PRKCE: variants seen among roughly 807,000 people sequenced by gnomAD.
PRKCE encodes protein kinase C epsilon.
PRKCE carries 16 observed loss-of-function variants against 85.4 expected under a neutral mutation model. The observed-to-expected ratio is 0.19, with a 90% CI of 0.13 to 0.28. PRKCE has a LOEUF of 0.28. Ranked by LOEUF, PRKCE falls within the 10% of genes least tolerant of loss-of-function variation. The pLI, the probability that PRKCE is intolerant of heterozygous loss-of-function variation, is 1.00. For missense variants in PRKCE, 573 were observed against 975.2 expected, an observed-to-expected ratio of 0.59 and a Z score of 5.49; for synonymous variants, 388 against 371.5, an observed-to-expected ratio of 1.04 and a Z score of -0.51.
At chr2:45,736,260 C>G (rs555266183) in intron 1 of PRKCE, among the ~76,000 whole-genome samples, 10 of 152,114 alleles carry the variant, frequency 6.6e-5, no homozygotes, top group African/African-American at 1.9e-4. Flanking sequence ...TGTGCCTGAC[C>G]GACATACACA....
intron 2 of PRKCE, among the ~76,000 whole-genome samples, chr2:45,969,847 C>G (rs527639759): frequency 6.6e-6 from 1 of 152,262 alleles, no homozygotes; most frequent in Admixed American, 6.5e-5. Context: ...ATTGTTCATT[C>G]TTTTTTCACA....
chr2:45,653,024 T>G (rs1675201135), intron 1 of PRKCE, among the ~76,000 whole-genome samples: 2 of 152,216 alleles, frequency 1.3e-5, no homozygotes, highest in South Asian at 2.1e-4. Context: ...TCCTCTATGG[T>G]CCCAGAAACA....
intron 14 of PRKCE, among the ~76,000 whole-genome samples, chr2:46,183,819 A>G (rs1271128673): frequency 6.6e-6 from 1 of 152,172 alleles, no homozygotes; most frequent in Admixed American, 6.5e-5. Context: ...AACTAAAGCG[A>G]TGTGTTCTAC....
In PRKCE at chr2:45,980,371, C is replaced by T. The variant is rs777002359; in HGVS notation, c.683C>T (p.Thr228Ile). The T allele has an allele frequency of 1.3e-6, 2 of 1,599,694 alleles. No individual in the cohort carries two copies. The highest frequency in any genetic ancestry group is 1.7e-6 in the Non-Finnish European group (2 of 1,179,934). The change falls in exon 5 of 15, where the codon ACC (threonine) becomes ATC (isoleucine). Residue 228 changes from threonine to isoleucine, a missense_variant. Thr to Ile is a moderately conservative substitution (Grantham distance 89, BLOSUM62 -1). Coordinates refer to ENST00000306156, the MANE Select transcript of PRKCE (RefSeq NM_005400.3). ...TGTGCTGGGTTAAAGAAGCAGGAGA[C>T]CCCCGACCAGGTAAGTGTTGGTGAC... is the stretch of plus-strand genomic sequence containing the variant. Reference protein sequence around the residue: ...TKCAGLKKQETPDQVGSQRFS... With the variant: ...TKCAGLKKQEIPDQVGSQRFS...
chr2:45,835,572 T>C (rs1328455122), intron 1 of PRKCE, among the ~76,000 whole-genome samples: 1 of 151,458 alleles, frequency 6.6e-6, no homozygotes, highest in Non-Finnish European at 1.5e-5. Context: ...GCATCCATGT[T>C]GTTGCATGTA....
chr2:45,963,500 G>T (rs1164412725), intron 2 of PRKCE, among the ~76,000 whole-genome samples: 1 of 152,114 alleles, frequency 6.6e-6, no homozygotes, highest in Non-Finnish European at 1.5e-5. Flanking sequence ...CTAGAGACAG[G>T]GTTTCGCCAT....
chr2:46,110,624 CTT>C (rs1221232448), intron 11 of PRKCE, among the ~76,000 whole-genome samples: 1 of 146,008 alleles, frequency 6.8e-6, no homozygotes, highest in East Asian at 2.0e-4. Flanking sequence ...TATTCTTAGT[CTT>C]TTTTTTTTTA....
chr2:46,111,667 C>G (rs570888224), intron 11 of PRKCE, among the ~76,000 whole-genome samples: 1 of 152,292 alleles, frequency 6.6e-6, no homozygotes, highest in South Asian at 2.1e-4. Context: ...TGTATTAGAA[C>G]TTCTTTTATC....
intron 1 of PRKCE, among the ~76,000 whole-genome samples, chr2:45,823,341 G>C (rs752243390): frequency 2.0e-5 from 3 of 152,208 alleles, no homozygotes; most frequent in Non-Finnish European, 4.4e-5. Flanking sequence ...AAAGGAACTG[G>C]AATTGGTTGG....
chr2:45,819,412 C>T (rs991779658), intron 1 of PRKCE, among the ~76,000 whole-genome samples: 7 of 152,174 alleles, frequency 4.6e-5, no homozygotes, highest in Non-Finnish European at 8.8e-5. Flanking sequence ...TCAGGGAGAA[C>T]ACCACGTTTA....
At chr2:45,738,568 T>G (rs1279434169) in intron 1 of PRKCE, among the ~76,000 whole-genome samples, 2 of 152,238 alleles carry the variant, frequency 1.3e-5, no homozygotes, top group Non-Finnish European at 2.9e-5. Context: ...GGAGATTATA[T>G]CTTGTCATTC....
chr2:45,906,591 G>A (rs1202897256), intron 2 of PRKCE, among the ~76,000 whole-genome samples: 1 of 152,174 alleles, frequency 6.6e-6, no homozygotes, highest in Non-Finnish European at 1.5e-5. Context: ...CCTGTCTGAT[G>A]GGATTCCAGG....
chr2:46,072,434 A>G (rs1000218405), intron 10 of PRKCE, among the ~76,000 whole-genome samples: 1 of 152,242 alleles, frequency 6.6e-6, no homozygotes, highest in Admixed American at 6.5e-5. Flanking sequence ...CCATCATGAA[A>G]TGGTTTACTT....
intron 2 of PRKCE, among the ~76,000 whole-genome samples, chr2:45,923,002 G>T (rs1281567931): frequency 6.6e-6 from 1 of 152,252 alleles, no homozygotes; most frequent in African/African-American, 2.4e-5. Flanking sequence ...AGATATAAGA[G>T]GAGAGAAAAT....
chr2:45,668,669 G>A (rs1444576583), intron 1 of PRKCE, among the ~76,000 whole-genome samples: 1 of 152,032 alleles, frequency 6.6e-6, no homozygotes, highest in Non-Finnish European at 1.5e-5. Context: ...CACCCTCTCG[G>A]TGCTAATGAG....
intron 6 of PRKCE, among the ~76,000 whole-genome samples, chr2:45,997,141 A>G (rs966724243): frequency 2.0e-5 from 3 of 152,136 alleles, no homozygotes; most frequent in African/African-American, 7.2e-5. Context: ...TTTAATGCCC[A>G]TAGGATCCAT....
intron 2 of PRKCE, among the ~76,000 whole-genome samples, chr2:45,849,281 C>T (rs1322631333): frequency 2.6e-5 from 4 of 152,056 alleles, no homozygotes; most frequent in Admixed American, 6.6e-5. Flanking sequence ...GGACACTGGG[C>T]AGAGCACATT....
intron 10 of PRKCE, among the ~76,000 whole-genome samples, chr2:46,034,397 G>A (rs1026972983): frequency 5.3e-5 from 8 of 152,178 alleles, no homozygotes; most frequent in South Asian, 2.1e-4. Flanking sequence ...CCCTACTTTC[G>A]TAAGGAGGGG....
At chr2:45,714,264 A>T (rs1398368830) in intron 1 of PRKCE, among the ~76,000 whole-genome samples, 30 of 152,204 alleles carry the variant, frequency 2.0e-4, no homozygotes, top group Admixed American at 2.0e-3. Flanking sequence ...AGAGACACAG[A>T]GCTAAGATCA....
Sources: allele counts gnomAD v4.1 joint callset (sites outside exome capture counted in the v4.1 genomes callset), GRCh38; gene constraint gnomAD v4.1.1; transcripts MANE v1.5; gene names NCBI Gene and HGNC (gene_info 2026-07-23, HGNC 2026-07-21).